The following CDH13 variants were observed in gnomAD, a reference collection of about 807,000 sequenced individuals.
The protein encoded by CDH13 is cadherin 13.
A neutral mutation model predicts 63.8 loss-of-function variants in CDH13; 24 were observed. That is an observed-to-expected ratio of 0.38 (90% CI 0.27 to 0.53). The LOEUF (loss-of-function observed/expected upper bound fraction) is 0.53. Among genes scored for constraint, CDH13 ranks in the 20% least tolerant of loss-of-function variants. CDH13 has a pLI of 0.85. For synonymous variants in CDH13, 503 were observed against 355.3 expected (o/e 1.42, Z -4.67); for missense variants, 1,049 against 903.1 (o/e 1.16, Z -2.07).
intron 7 of CDH13, among the ~76,000 whole-genome samples, chr16:83,526,184 C>T (rs774818017): frequency 2.0e-5 from 3 of 152,184 alleles, no homozygotes; most frequent in Non-Finnish European, 4.4e-5. Flanking sequence ...AAAGGTCAGC[C>T]AGTCATCAGA....
chr16:83,247,246 G>C (rs1567536289), intron 5 of CDH13, among the ~76,000 whole-genome samples: 1 of 152,186 alleles, frequency 6.6e-6, no homozygotes, highest in Non-Finnish European at 1.5e-5. Flanking sequence ...GGCATGTGGT[G>C]TGGGGTCCAG....
At chr16:83,166,975 A>G (rs913301944) in intron 4 of CDH13, among the ~76,000 whole-genome samples, 2 of 152,152 alleles carry the variant, frequency 1.3e-5, no homozygotes, top group Admixed American at 6.6e-5. Flanking sequence ...GTTGGATTTT[A>G]TATGTGAAAA....
chr16:82,753,779 C>T (rs866453205), intron 1 of CDH13, among the ~76,000 whole-genome samples: 1 of 152,164 alleles, frequency 6.6e-6, no homozygotes, highest in African/African-American at 2.4e-5. Context: ...CCATGGGGCC[C>T]TTTATTCTGT....
At chr16:83,440,311 G>A (rs2072443857) in intron 6 of CDH13, among the ~76,000 whole-genome samples, 1 of 152,210 alleles carries the variant, frequency 6.6e-6, no homozygotes, top group African/African-American at 2.4e-5. Context: ...CACTGACCAG[G>A]ACAGATGAAG....
chr16:83,077,422 A>T (rs145428610), intron 3 of CDH13, among the ~76,000 whole-genome samples: 7,125 of 151,582 alleles, frequency 0.047, 243 homozygotes, highest in Non-Finnish European at 0.067. Context: ...CGAACTCCTG[A>T]CCTCAAGTGA....
At chr16:82,720,425 G>T (rs937633709) in intron 1 of CDH13, among the ~76,000 whole-genome samples, 2 of 151,994 alleles carry the variant, frequency 1.3e-5, no homozygotes, top group South Asian at 2.1e-4. Context: ...TAATAGTTTA[G>T]GGTCTTGGGT....
At position 83,176,409 on chromosome 16, in the gene CDH13, C is replaced by T. The variant is rs1015057955; in HGVS notation, c.484-40936C>T. 2.7e-5 allele frequency among the ~76,000 whole-genome samples: 4 copies of T among 147,970 alleles called. No individual in the cohort carries two copies. In the Admixed American group the frequency reaches 2.7e-4, roughly 10 times the overall value. On this transcript the variant is annotated intron_variant, in intron 4 of 13. Coordinates refer to ENST00000567109, the MANE Select transcript of CDH13 (RefSeq NM_001257.5). Reference sequence around the variant, plus strand: ...CCTGTAATCCCAGCTACTCAGGAGGCTGAGGCAGGAGAATTGCTTGAACCT... The same window carrying T: ...CCTGTAATCCCAGCTACTCAGGAGGTTGAGGCAGGAGAATTGCTTGAACCT...
intron 4 of CDH13, among the ~76,000 whole-genome samples, chr16:83,134,275 C>G (rs182746049): frequency 7.9e-5 from 12 of 152,274 alleles, no homozygotes; most frequent in Non-Finnish European, 1.3e-4. Context: ...TCACTGCAAC[C>G]TCTGCCTCCC....
chr16:82,841,315 C>T (rs920545131), intron 1 of CDH13, among the ~76,000 whole-genome samples: 10 of 152,198 alleles, frequency 6.6e-5, no homozygotes, highest in African/African-American at 2.4e-4. Context: ...TGCTTGCTTG[C>T]CCTTGGAACA....
chr16:83,489,716 TTATTAA>T (rs1430120207), intron 7 of CDH13, among the ~76,000 whole-genome samples: 3 of 152,214 alleles, frequency 2.0e-5, no homozygotes, highest in African/African-American at 7.2e-5. Flanking sequence ...TGAGATTTTA[TTATTAA>T]TATTATTTCT....
rs186495666 is a variant in CDH13, at chr16:83,088,431, C to G, written c.367-36954C>G. On this transcript the variant is annotated intron_variant, in intron 3 of 13. Transcript: ENST00000567109. ...ATTTTCCTGTAACGTTTTTGTGTTT[C>G]CAGGTGACAGTTGCCCACCGAACCA... Among the ~76,000 whole-genome samples, 181 of 152,212 alleles carry G rather than the reference C, an allele frequency of 1.2e-3. 1 individual carries two copies. The highest frequency in any genetic ancestry group is 9.6e-3 in the South Asian group (46 of 4,812).
intron 11 of CDH13, among the ~76,000 whole-genome samples, chr16:83,760,878 A>T (rs1913911866): frequency 1.3e-5 from 2 of 152,250 alleles, no homozygotes; most frequent in Non-Finnish European, 1.5e-5. Flanking sequence ...GACTCTCAGC[A>T]TCTTGTTCCA....
intron 1 of CDH13, among the ~76,000 whole-genome samples, chr16:82,799,400 C>T (rs1430692300): frequency 6.6e-6 from 1 of 152,162 alleles, no homozygotes. Context: ...GAGTAATTTA[C>T]CGTAAGATGG....
chr16:83,636,965 G>C (rs1598402183), intron 8 of CDH13, among the ~76,000 whole-genome samples: 1 of 152,158 alleles, frequency 6.6e-6, no homozygotes, highest in South Asian at 2.1e-4. Flanking sequence ...ACTGGTGTGA[G>C]ATGGTAACTC....
At chr16:83,637,426 G>T (rs1598402775) in intron 8 of CDH13, among the ~76,000 whole-genome samples, 1 of 68,776 alleles carries the variant, frequency 1.5e-5, no homozygotes, top group East Asian at 7.4e-4. Context: ...TGTGCGCACC[G>T]TGCGCGAGCC....
chr16:82,741,289 A>G (rs1182381479), intron 1 of CDH13, among the ~76,000 whole-genome samples: 2 of 152,060 alleles, frequency 1.3e-5, no homozygotes, highest in African/African-American at 4.8e-5. Flanking sequence ...GTCTTTCCAC[A>G]TGTTATTTCC....
chr16:83,408,043 T>G (rs991453880), intron 6 of CDH13, among the ~76,000 whole-genome samples: 1 of 152,142 alleles, frequency 6.6e-6, no homozygotes, highest in African/African-American at 2.4e-5. Flanking sequence ...CTGTGTCTCC[T>G]CCCAGCAGCA....
At chr16:82,872,726 G>A (rs187611735) in intron 2 of CDH13, among the ~76,000 whole-genome samples, 1 of 152,258 alleles carries the variant, frequency 6.6e-6, no homozygotes, top group Admixed American at 6.5e-5. Context: ...AAGGACTTCT[G>A]CATTTGACAA....
intron 7 of CDH13, among the ~76,000 whole-genome samples, chr16:83,602,111 A>AC: frequency 3.2e-5 from 1 of 30,770 alleles, no homozygotes; most frequent in Admixed American, 4.0e-4. Flanking sequence ...CAACAACAAA[A>AC]AAAAAAAAAA....
Sources: gnomAD v4.1 joint callset for allele counts (sites outside exome capture counted in the v4.1 genomes callset) on GRCh38, gnomAD v4.1.1 for gene constraint, MANE v1.5 for transcripts, NCBI Gene and HGNC (gene_info 2026-07-23, HGNC 2026-07-21) for gene names.